Variants in CHLSN observed in about 807,000 individuals in gnomAD.
CHLSN encodes cholesin.
the CHLSN span, among the ~76,000 whole-genome samples, chr7:1,042,769 G>C: frequency 6.6e-6 from 1 of 152,136 alleles, no homozygotes; most frequent in South Asian, 2.1e-4. Flanking sequence ...TGCATACTCT[G>C]ACCAGGGATT....
At chr7:1,014,461 C>T in the CHLSN span, among the ~76,000 whole-genome samples, 1 of 152,242 alleles carries the variant, frequency 6.6e-6, no homozygotes, top group Non-Finnish European at 1.5e-5. Context: ...TGACACGGGC[C>T]CTGTGTGAGC....
the CHLSN span, among the ~76,000 whole-genome samples, chr7:1,133,106 G>A: frequency 6.6e-6 from 1 of 152,136 alleles, no homozygotes; most frequent in Admixed American, 6.6e-5. Context: ...TCAGCCACCA[G>A]AGGAAATGGG....
chr7:1,044,354 C>T, the CHLSN span, among the ~76,000 whole-genome samples: 3 of 152,254 alleles, frequency 2.0e-5, no homozygotes, highest in African/African-American at 7.2e-5. Flanking sequence ...CGCACGAGTT[C>T]GTCAAATGGC....
At chr7:1,094,360 G>A in the CHLSN span, among the ~76,000 whole-genome samples, 10 of 152,244 alleles carry the variant, frequency 6.6e-5, no homozygotes, top group Non-Finnish European at 1.0e-4. Context: ...TGTGGGTGAA[G>A]GGAACTAGCC....
At chr7:1,040,182 T>TAAA in the CHLSN span, among the ~76,000 whole-genome samples, 81 of 96,094 alleles carry the variant, frequency 8.4e-4, 2 homozygotes, top group Middle Eastern at 5.7e-3. Flanking sequence ...AAAAATAAAT[T>TAAA]TAAAAAAAAA....
the CHLSN span, chr7:1,028,176 T>A: frequency 2.1e-6 from 2 of 942,194 alleles, no homozygotes. Context: ...CGCCCACCTG[T>A]CGCCGCGGGG....
At chr7:1,027,623 C>T in the CHLSN span, among the ~76,000 whole-genome samples, 230 of 152,406 alleles carry the variant, frequency 1.5e-3, no homozygotes, top group Non-Finnish European at 2.9e-3. Context: ...GAAGCTATCC[C>T]AATTGTTTTC....
At chr7:1,035,297 G>A in the CHLSN span, among the ~76,000 whole-genome samples, 1 of 152,254 alleles carries the variant, frequency 6.6e-6, no homozygotes, top group African/African-American at 2.4e-5. Flanking sequence ...TCATGTCTTT[G>A]TGACTGTGAA....
the CHLSN span, chr7:983,072 G>A: frequency 1.4e-6 from 1 of 698,800 alleles, no homozygotes; most frequent in Non-Finnish European, 2.1e-6. Flanking sequence ...TCCGCTGGGG[G>A]CTGCCCTGCA....
chr7:1,120,575 G>C, the CHLSN span, among the ~76,000 whole-genome samples: 1 of 152,090 alleles, frequency 6.6e-6, no homozygotes, highest in Non-Finnish European at 1.5e-5. Flanking sequence ...TTACAGGCAC[G>C]AGCCACCGTA....
At chr7:1,005,107 C>T in the CHLSN span, among the ~76,000 whole-genome samples, 4 of 152,238 alleles carry the variant, frequency 2.6e-5, no homozygotes, top group East Asian at 3.9e-4. Flanking sequence ...TTGGTTAATA[C>T]GGTGAAACCC....
the CHLSN span, chr7:1,092,152 T>TCTTCTTG: frequency 6.2e-7 from 1 of 1,613,534 alleles, no homozygotes; most frequent in Non-Finnish European, 8.5e-7. Flanking sequence ...GGTCAACATG[T>TCTTCTTG]ACAGCAGCGT....
At chr7:1,015,895 C>T in the CHLSN span, among the ~76,000 whole-genome samples, 1 of 152,218 alleles carries the variant, frequency 6.6e-6, no homozygotes, top group Non-Finnish European at 1.5e-5. Flanking sequence ...GTGAGCAATG[C>T]CCATGTGACA....
At chr7:1,002,310 T>C in the CHLSN span, among the ~76,000 whole-genome samples, 1 of 114,688 alleles carries the variant, frequency 8.7e-6, no homozygotes, top group African/African-American at 3.5e-5. Context: ...GGGAGTCCTG[T>C]GGGTAGGGAA....
the CHLSN span, among the ~76,000 whole-genome samples, chr7:1,039,080 C>T: frequency 6.2e-4 from 45 of 72,604 alleles, no homozygotes; most frequent in African/African-American, 2.3e-3. Flanking sequence ...CCCCCCTGCC[C>T]GGCCAGCTGC....
At chr7:1,107,095 A>G in the CHLSN span, among the ~76,000 whole-genome samples, 10 of 152,192 alleles carry the variant, frequency 6.6e-5, no homozygotes, top group Admixed American at 5.9e-4. Flanking sequence ...GGAAGCTCAA[A>G]TGCTCTGTAC....
chr7:1,097,811 G>A, the CHLSN span, among the ~76,000 whole-genome samples: 4 of 152,204 alleles, frequency 2.6e-5, no homozygotes, highest in African/African-American at 9.7e-5. The surrounding 1 kb of genome is among the most constrained non-coding windows in gnomAD (Gnocchi z 4.3). Context: ...GGTGCGTCTC[G>A]TGCTGTCATC....
the CHLSN span, among the ~76,000 whole-genome samples, chr7:1,011,872 T>C: frequency 6.6e-6 from 1 of 151,036 alleles, no homozygotes; most frequent in African/African-American, 2.4e-5. Context: ...GGCTGAAGAG[T>C]CCCGGTGGGA....
the CHLSN span, among the ~76,000 whole-genome samples, chr7:1,016,479 A>AC: frequency 6.2e-5 from 7 of 112,878 alleles, no homozygotes; most frequent in South Asian, 1.4e-3. Flanking sequence ...ATAGCAGCAC[A>AC]GCAGCACACA....
Sources: allele counts gnomAD v4.1 joint callset (sites outside exome capture counted in the v4.1 genomes callset), GRCh38; gene constraint gnomAD v4.1.1; non-coding constraint Gnocchi (gnomAD v3.1); transcripts MANE v1.5; gene names NCBI Gene and HGNC (gene_info 2026-07-23, HGNC 2026-07-21).